BMP6: variants seen among roughly 807,000 people sequenced by gnomAD.
BMP6 encodes VG-1-R.
In BMP6, 17 loss-of-function variants were observed where a neutral mutation model predicts 54.1. The ratio of observed to expected loss-of-function variants is 0.31; its 90% CI spans 0.22 to 0.47. The LOEUF is 0.47. Ranked by LOEUF, BMP6 falls within the 20% of genes least tolerant of loss-of-function variation. The pLI is 1.00. For missense variants in BMP6, 720 were observed against 690.4 expected (o/e 1.04, Z -0.48); for synonymous variants, 328 against 291.2 (o/e 1.13, Z -1.28).
intron 2 of BMP6, among the ~76,000 whole-genome samples, chr6:7,846,299 C>T (rs1322657558): frequency 6.6e-6 from 1 of 152,188 alleles, no homozygotes; most frequent in Non-Finnish European, 1.5e-5. Flanking sequence ...CAGGTTCCCA[C>T]TTTTGGTCTT....
intron 1 of BMP6, among the ~76,000 whole-genome samples, chr6:7,761,072 T>C (rs1757605558): frequency 6.6e-6 from 1 of 152,266 alleles, no homozygotes; most frequent in South Asian, 2.1e-4. Context: ...GGCATTATCG[T>C]TACAATGCGA....
At chr6:7,763,054 C>T (rs1215183556) in intron 1 of BMP6, among the ~76,000 whole-genome samples, 1 of 152,208 alleles carries the variant, frequency 6.6e-6, no homozygotes, top group Non-Finnish European at 1.5e-5. Flanking sequence ...CCTTTGCATC[C>T]CCACACTCTG....
At chr6:7,847,508 G>A (rs959128460) in intron 2 of BMP6, among the ~76,000 whole-genome samples, 5 of 152,118 alleles carry the variant, frequency 3.3e-5, no homozygotes, top group Admixed American at 3.3e-4. Flanking sequence ...CAATTCTCCA[G>A]GCTTGTGAAG....
intron 1 of BMP6, among the ~76,000 whole-genome samples, chr6:7,798,445 C>T (rs1292251496): frequency 6.6e-6 from 1 of 152,204 alleles, no homozygotes; most frequent in Non-Finnish European, 1.5e-5. Flanking sequence ...GGGTGACCAC[C>T]CTTCCAGTCC....
At chr6:7,840,626 TG>T (rs1758953670) in intron 1 of BMP6, among the ~76,000 whole-genome samples, 1 of 152,114 alleles carries the variant, frequency 6.6e-6, no homozygotes, top group Non-Finnish European at 1.5e-5. Context: ...TTGTTCAGTA[TG>T]TCTTCCCTAT....
intron 1 of BMP6, among the ~76,000 whole-genome samples, chr6:7,830,117 CT>C (rs1419822179): frequency 1.3e-5 from 2 of 152,152 alleles, no homozygotes; most frequent in African/African-American, 4.8e-5. Context: ...CACTTTTCAA[CT>C]TTTTCAGGAT....
chr6:7,810,775 C>G (rs895372569), intron 1 of BMP6, among the ~76,000 whole-genome samples: 1 of 152,222 alleles, frequency 6.6e-6, no homozygotes, highest in Non-Finnish European at 1.5e-5. Context: ...GAAGGGAACA[C>G]TCAAAGTATA....
chr6:7,875,558 G>A (rs1208825709), intron 4 of BMP6, among the ~76,000 whole-genome samples: 1 of 152,038 alleles, frequency 6.6e-6, no homozygotes, highest in Non-Finnish European at 1.5e-5. Flanking sequence ...AGTCCCAGCT[G>A]CTTGGGAGGC....
In BMP6 at chr6:7,838,835, G is replaced by A. The variant is rs530038664; in HGVS notation, c.665-6305G>A. Among the ~76,000 whole-genome samples, 127 of 151,720 alleles carry A rather than the reference G, an allele frequency of 8.4e-4. 2 individuals are homozygous for A. Among genetic ancestry groups the A allele is most frequent in the South Asian group, 1.3e-3 (6 of 4,798 alleles). On this transcript the variant is annotated intron_variant, in intron 1 of 6. Transcript: ENST00000283147. ...CAGGCGCCTGGAGTCCCAGCTACTC[G>A]GGAGGCTGAGGCAGGAGAATGGCGT...
At chr6:7,792,502 T>C (rs904111176) in intron 1 of BMP6, among the ~76,000 whole-genome samples, 1 of 152,192 alleles carries the variant, frequency 6.6e-6, no homozygotes, top group African/African-American at 2.4e-5. Context: ...CAGGCAGGTA[T>C]TATGTCTTGT....
intron 1 of BMP6, among the ~76,000 whole-genome samples, chr6:7,840,216 G>A (rs1009494834): frequency 3.3e-5 from 5 of 152,292 alleles, no homozygotes; most frequent in Admixed American, 2.6e-4. Flanking sequence ...GAGGAGAACC[G>A]AACAGTGTAT....
In BMP6 at chr6:7,862,342, G is replaced by T; in HGVS notation, c.1048G>T (p.Asp350Tyr). 2 of 1,614,242 alleles carry T rather than the reference G, an allele frequency of 1.2e-6. No individual in the cohort carries two copies. Among genetic ancestry groups the T allele is most frequent in the Non-Finnish European group, 1.7e-6 (2 of 1,180,040 alleles). Residue 350 changes from aspartate (D) to tyrosine (Y), a missense_variant, in exon 4 of 7, where the codon GAC becomes TAC. Around this residue, in one of 3 missense-constraint regions of BMP6, gnomAD observed 650 missense variants for 556.3 expected, o/e 1.17. Transcript: ENST00000283147. ...HPRAAGLVGR[D>Y]GPYDKQPFMV... is the part of the protein sequence containing the mutation. Reference sequence around the variant, plus strand: ...CCGAGCCGCAGGCCTGGTGGGCAGAGACGGCCCTTACGACAAGCAGCCCTT... The same window carrying T: ...CCGAGCCGCAGGCCTGGTGGGCAGATACGGCCCTTACGACAAGCAGCCCTT...
intron 1 of BMP6, among the ~76,000 whole-genome samples, chr6:7,733,079 T>C (rs890754003): frequency 5.4e-5 from 8 of 148,292 alleles, no homozygotes; most frequent in African/African-American, 2.0e-4. Context: ...TTTTTTTTTG[T>C]ATTTTTAGTG....
chr6:7,872,458 A>G (rs1759543638), intron 4 of BMP6, among the ~76,000 whole-genome samples: 1 of 152,230 alleles, frequency 6.6e-6, no homozygotes, highest in South Asian at 2.1e-4. Context: ...GCATGGCCTG[A>G]GAGTATCTGT....
intron 3 of BMP6, 109 bp from the exon 4 acceptor site, chr6:7,862,192 A>G: frequency 7.8e-7 from 1 of 1,286,990 alleles, no homozygotes; most frequent in Non-Finnish European, 1.1e-6. Flanking sequence ...CTTCACACTC[A>G]TTCTTAAGGA....
intron 1 of BMP6, among the ~76,000 whole-genome samples, chr6:7,741,404 TCCCACC>T (rs1159150890): frequency 6.6e-6 from 1 of 152,094 alleles, no homozygotes; most frequent in Non-Finnish European, 1.5e-5. Flanking sequence ...CAAGTGATCC[TCCCACC>T]TCAGCCTCTT....
rs534573981 is a variant in BMP6 at position 7,868,440 on chromosome 6, C to G, written c.1204+5942C>G. Among the ~76,000 whole-genome samples, 16 of 152,300 alleles carry G rather than the reference C, an allele frequency of 1.1e-4. 1 individual carries two copies. Among genetic ancestry groups the G allele is most frequent in the African/African-American group, 3.9e-4 (16 of 41,556 alleles). On this transcript the variant is annotated intron_variant, in intron 4 of 6. Coordinates refer to ENST00000283147, the MANE Select transcript of BMP6 (RefSeq NM_001718.6). ...GCACCTGCTGCGCGTTCTTCAATGG[C>G]TGTATTGATTCTGCTGGGCGAGTGG...
At chr6:7,875,138 C>T (rs1759593075) in intron 4 of BMP6, among the ~76,000 whole-genome samples, 1 of 152,042 alleles carries the variant, frequency 6.6e-6, no homozygotes, top group Non-Finnish European at 1.5e-5. Flanking sequence ...GGGAGGGCTG[C>T]TGGTATAAGT....
At chr6:7,833,144 C>G (rs1335666074) in intron 1 of BMP6, among the ~76,000 whole-genome samples, 1 of 152,078 alleles carries the variant, frequency 6.6e-6, no homozygotes, top group Non-Finnish European at 1.5e-5. Context: ...TGAGACACTT[C>G]TAGAATGATG....
Sources: allele counts gnomAD v4.1 joint callset (sites outside exome capture counted in the v4.1 genomes callset), GRCh38; gene constraint gnomAD v4.1.1; regional missense constraint gnomAD v4.1.1; transcripts MANE v1.5; gene names NCBI Gene and HGNC (gene_info 2026-07-23, HGNC 2026-07-21).